SMYD3: variants seen among roughly 807,000 people sequenced by gnomAD.
SMYD3 encodes histone-lysine N-methyltransferase SMYD3.
Under a neutral mutation model 57.7 loss-of-function variants are expected in SMYD3, and 36 were observed. The observed-to-expected ratio is 0.62, with a 90% CI of 0.48 to 0.82. The LOEUF (loss-of-function observed/expected upper bound fraction) is 0.82, where lower values mean the gene tolerates loss of function less well. Ranked by LOEUF, SMYD3 falls within the 40% of genes least tolerant of loss-of-function variation. The probability of loss-of-function intolerance (pLI) is 0.00; values close to 1 mark genes in which losing one functional copy is unlikely to be tolerated. For synonymous variants in SMYD3, 211 were observed against 195.0 expected, an observed-to-expected ratio of 1.08 and a Z score of -0.68; for missense variants, 515 against 538.8, an observed-to-expected ratio of 0.96 and a Z score of 0.44.
At position 246,348,077 on chromosome 1, in the gene SMYD3, T is replaced by TACACACATACATAC. The variant is rs1553336560; in HGVS notation, c.228+6953_228+6954insGTATGTATGTGTGT. On this transcript the variant is annotated intron_variant, in intron 2 of 11. Transcript: ENST00000490107. ...AGAAAACGTTATATATATATATATA[T>TACACACATACATAC]ACACACACACCATCAAATACTATGA... Among the ~76,000 whole-genome samples, 13 of 86,488 alleles carry TACACACATACATAC rather than the reference T, an allele frequency of 1.5e-4. 2 individuals carry two copies. Among genetic ancestry groups the TACACACATACATAC allele is most frequent in the East Asian group, 4.8e-4 (2 of 4,210 alleles). 56.7% of individuals were successfully genotyped at this position (86,488 alleles called of 152,430 possible). A position where few individuals can be genotyped will look rare whatever the true frequency, so the allele number is the denominator to read the frequency against.
At chr1:245,791,375 T>G (rs1023382913) in intron 10 of SMYD3, among the ~76,000 whole-genome samples, 1 of 152,158 alleles carries the variant, frequency 6.6e-6, no homozygotes, top group Admixed American at 6.5e-5. Flanking sequence ...ACGGATCAGT[T>G]TATCCTGCTA....
chr1:246,041,044 A>C (rs992792888), intron 5 of SMYD3, among the ~76,000 whole-genome samples: 2 of 152,200 alleles, frequency 1.3e-5, no homozygotes, highest in African/African-American at 4.8e-5. Flanking sequence ...TATTTTTACT[A>C]TTCCTTTTCT....
At chr1:246,219,761 A>C (rs1029665895) in intron 5 of SMYD3, among the ~76,000 whole-genome samples, 9 of 152,126 alleles carry the variant, frequency 5.9e-5, no homozygotes, top group African/African-American at 2.2e-4. Context: ...AGCTGCAGGC[A>C]AGCACAGAGT....
At chr1:246,481,638 A>G (rs2068107930) in intron 1 of SMYD3, among the ~76,000 whole-genome samples, 1 of 133,536 alleles carries the variant, frequency 7.5e-6, no homozygotes, top group South Asian at 2.3e-4. Flanking sequence ...ATACATACAC[A>G]TATTCATATA....
chr1:246,353,422 C>A (rs2065863989), intron 2 of SMYD3, among the ~76,000 whole-genome samples: 1 of 152,022 alleles, frequency 6.6e-6, no homozygotes, highest in South Asian at 2.1e-4. Context: ...CCCAGTGGCT[C>A]AGGAGGCAGA....
intron 5 of SMYD3, among the ~76,000 whole-genome samples, chr1:246,007,116 A>C (rs1360441829): frequency 2.0e-5 from 3 of 152,316 alleles, no homozygotes; most frequent in African/African-American, 7.2e-5. Flanking sequence ...AGGCTGCTGG[A>C]GAAGCGGCCA....
At chr1:246,037,253 C>G (rs546949529) in intron 5 of SMYD3, among the ~76,000 whole-genome samples, 15 of 152,164 alleles carry the variant, frequency 9.9e-5, no homozygotes, top group Admixed American at 9.8e-4. Flanking sequence ...CTATATAGTA[C>G]CTGTTTCCCT....
chr1:246,069,633 T>C (rs1047408917), intron 5 of SMYD3, among the ~76,000 whole-genome samples: 3 of 152,208 alleles, frequency 2.0e-5, no homozygotes, highest in South Asian at 2.1e-4. Flanking sequence ...AACAGAAAGA[T>C]GGCATTGCTA....
At position 246,273,491 on chromosome 1, in the gene SMYD3, A is replaced by G. The variant is rs12074245; in HGVS notation, c.531+53710T>C. Among the ~76,000 whole-genome samples the G allele has an allele frequency of 1.0e-3, 151 of 148,312 alleles. 2 individuals are homozygous for G. Among genetic ancestry groups the G allele is most frequent in the African/African-American group, 3.7e-3 (149 of 40,214 alleles). On this transcript the variant is annotated intron_variant, in intron 5 of 11. Transcript: ENST00000490107. ...GTCATTTTTTATTTTAGCAATTGGA[A>G]TCTTCTTTTTTCTTAGTCCATCTAT...
At chr1:246,191,331 T>C (rs145893965) in intron 5 of SMYD3, among the ~76,000 whole-genome samples, 172 of 151,956 alleles carry the variant, frequency 1.1e-3, no homozygotes, top group African/African-American at 4.1e-3. Context: ...CAAGCTAGAG[T>C]GAAAAAATGC....
chr1:245,977,720 C>G (rs557163434), intron 5 of SMYD3, among the ~76,000 whole-genome samples: 3 of 152,234 alleles, frequency 2.0e-5, no homozygotes, highest in African/African-American at 7.2e-5. Context: ...AAGATTCTCC[C>G]TTGCATGAGA....
At chr1:246,014,467 T>C (rs780792996) in intron 5 of SMYD3, among the ~76,000 whole-genome samples, 2 of 152,184 alleles carry the variant, frequency 1.3e-5, no homozygotes, top group Non-Finnish European at 2.9e-5. Flanking sequence ...ACTATGAACT[T>C]TGAACGAAGA....
At chr1:246,016,593 G>GA (rs888088241) in intron 5 of SMYD3, among the ~76,000 whole-genome samples, 9 of 149,618 alleles carry the variant, frequency 6.0e-5, no homozygotes, top group African/African-American at 2.0e-4. Flanking sequence ...CAAAAAAGAA[G>GA]AAAAAAAAAG....
chr1:246,329,542 G>GT, intron 4 of SMYD3, among the ~76,000 whole-genome samples: 1 of 151,908 alleles, frequency 6.6e-6, no homozygotes, highest in Non-Finnish European at 1.5e-5. Context: ...GGGGTTGTTT[G>GT]TTTTTTTCTT....
intron 1 of SMYD3, among the ~76,000 whole-genome samples, chr1:246,451,729 G>C (rs2067635643): frequency 6.6e-6 from 1 of 152,266 alleles, no homozygotes; most frequent in African/African-American, 2.4e-5. Context: ...TGCATGTGTA[G>C]AGGAAGAGGG....
intron 2 of SMYD3, among the ~76,000 whole-genome samples, chr1:246,346,973 A>C (rs966536763): frequency 1.3e-4 from 20 of 152,190 alleles, no homozygotes; most frequent in Middle Eastern, 3.2e-3. Context: ...TAGGCATAGA[A>C]ACAGAAATTC....
intron 10 of SMYD3, among the ~76,000 whole-genome samples, chr1:245,768,542 G>A (rs2046211369): frequency 6.6e-6 from 1 of 152,200 alleles, no homozygotes; most frequent in South Asian, 2.1e-4. Flanking sequence ...GGTAGGAAAA[G>A]GCCTTTGTTA....
chr1:246,162,838 A>C (rs1379132770), intron 5 of SMYD3, among the ~76,000 whole-genome samples: 2 of 152,194 alleles, frequency 1.3e-5, no homozygotes. Flanking sequence ...TATGTAAGGG[A>C]AAATTATCTT....
chr1:245,817,432 C>A (rs1397356437), intron 10 of SMYD3, among the ~76,000 whole-genome samples: 3 of 150,030 alleles, frequency 2.0e-5, no homozygotes, highest in Admixed American at 1.3e-4. Context: ...GTAGATAAAA[C>A]CACAAAGATG....
Sources: gnomAD v4.1 joint callset for allele counts (sites outside exome capture counted in the v4.1 genomes callset) on GRCh38, gnomAD v4.1.1 for gene constraint, MANE v1.5 for transcripts, NCBI Gene and HGNC (gene_info 2026-07-23, HGNC 2026-07-21) for gene names.